Variants in IGF2R observed in about 807,000 individuals in gnomAD.
IGF2R encodes the protein insulin like growth factor 2 receptor, also known as cation-independent mannose-6-phosphate receptor.
IGF2R carries 91 observed loss-of-function variants against 270.6 expected under a neutral mutation model. The ratio of observed to expected loss-of-function variants is 0.34; its 90% CI spans 0.28 to 0.40. The LOEUF is 0.40. Among genes scored for constraint, IGF2R ranks in the 10% least tolerant of loss-of-function variants. The probability of loss-of-function intolerance (pLI) is 1.00; values close to 1 mark genes in which losing one functional copy is unlikely to be tolerated. For synonymous variants in IGF2R, 1,316 were observed against 1,258.9 expected (o/e 1.05, Z -0.96); for missense variants, 2,805 against 3,188.3 (o/e 0.88, Z 2.90).
chr6:159,993,269 T>C (rs908429134), intron 2 of IGF2R, among the ~76,000 whole-genome samples: 1 of 152,226 alleles, frequency 6.6e-6, no homozygotes, highest in African/African-American at 2.4e-5. Flanking sequence ...TTTGTTTTGT[T>C]GCATTTGCTT....
intron 2 of IGF2R, among the ~76,000 whole-genome samples, chr6:159,995,355 T>C (rs1225218823): frequency 6.6e-6 from 1 of 152,138 alleles, no homozygotes; most frequent in Non-Finnish European, 1.5e-5. Flanking sequence ...AAGCAACATA[T>C]GGTTGGATCA....
intron 1 of IGF2R, among the ~76,000 whole-genome samples, chr6:159,979,833 G>A (rs1783751935): frequency 6.6e-6 from 1 of 152,198 alleles, no homozygotes; most frequent in African/African-American, 2.4e-5. Flanking sequence ...CACAGAGGCT[G>A]TGGGACTTTG....
Position 160,110,381 on chromosome 6 carries a change from A to C in IGF2R, c.*5297A>C, listed in dbSNP as rs778368307. ...GGAAATGCACATCATAAACACAGTGAGACGTTGCCTCACACCTGCCAGAAT... is the reference window on the plus strand; with the variant it reads ...GGAAATGCACATCATAAACACAGTGCGACGTTGCCTCACACCTGCCAGAAT... On this transcript the variant is annotated 3_prime_UTR_variant, in exon 48 of 48. Coordinates refer to ENST00000356956, the MANE Select transcript of IGF2R (RefSeq NM_000876.4). The C allele has an allele frequency of 6.6e-6, 1 of 152,288 alleles. No individual in the cohort carries two copies. The highest frequency in any genetic ancestry group is 6.5e-5 in the Admixed American group (1 of 15,292). 9.4% of individuals were successfully genotyped at this position (152,288 alleles called of 1,614,324 possible). A position where few individuals can be genotyped will look rare whatever the true frequency, so the allele number is the denominator to read the frequency against.
At chr6:160,018,930 T>G (rs1355458489) in intron 4 of IGF2R, among the ~76,000 whole-genome samples, 1 of 151,842 alleles carries the variant, frequency 6.6e-6, no homozygotes, top group African/African-American at 2.4e-5. Flanking sequence ...AAAACCAAAT[T>G]GAAACCTAGC....
chr6:160,090,199 C>T, intron 44 of IGF2R, 96 bp downstream of exon 44: 1 of 875,970 alleles, frequency 1.1e-6, no homozygotes, highest in East Asian at 3.1e-5. Flanking sequence ...AATCTCGGAC[C>T]ACTTTTAAAA....
At position 160,104,893 on chromosome 6, in the gene IGF2R, G is replaced by C. The variant is rs138845003; in HGVS notation, c.7285G>C (p.Ala2429Pro). 5.0e-5 allele frequency: 81 copies of C among 1,614,022 alleles called. No homozygotes were observed. The highest frequency in any genetic ancestry group is 6.8e-5 in the Non-Finnish European group (80 of 1,180,002). ...VKVHSGRGAG[A>P]ESSHPVRNAQ... ...AGTTCACTCGGGCAGGGGAGCTGGG[G>C]CAGAGAGCTCCCACCCAGTGAGAAA... Residue 2429 changes from alanine (A) to proline (P), a missense_variant, in exon 48 of 48, where the codon GCA becomes CCA. This residue lies in a region of IGF2R where 1,851 missense variants were observed against 2,207.2 expected (regional missense o/e 0.84). Coordinates refer to ENST00000356956, the MANE Select transcript of IGF2R (RefSeq NM_000876.4).
rs112338206 is a variant in IGF2R, at chr6:159,991,150, G to T, written c.150-34G>T. 10 of 1,573,378 alleles carry T rather than the reference G, an allele frequency of 6.4e-6. No homozygotes were observed. In the African/African-American group the frequency reaches 8.2e-5, roughly 13 times the overall value. On this transcript the variant is annotated intron_variant, in intron 1 of 47. Transcript: ENST00000356956. ...GAGAAGTTTAATTTTTGATAAATCAGTGACATTGACAAGTTGTTTTTCTTC... is the reference window on the plus strand; with the variant it reads ...GAGAAGTTTAATTTTTGATAAATCATTGACATTGACAAGTTGTTTTTCTTC...
At chr6:160,024,524 T>G (rs1417972579) in intron 4 of IGF2R, 48 bp from the exon 5 acceptor site, 2 of 1,592,660 alleles carry the variant, frequency 1.3e-6, no homozygotes, top group Non-Finnish European at 8.6e-7. Flanking sequence ...CTTTTCTGAT[T>G]GACCAAGATG....
intron 19 of IGF2R, 141 bp from the exon 20 acceptor site, chr6:160,056,283 A>C: frequency 1.5e-6 from 1 of 651,306 alleles, no homozygotes; most frequent in African/African-American, 1.8e-5. Flanking sequence ...GGTAATGCAC[A>C]TTAAGTGCCT....
intron 43 of IGF2R, 74 bp downstream of exon 43, chr6:160,089,327 C>A: frequency 7.4e-7 from 1 of 1,351,144 alleles, no homozygotes; most frequent in Non-Finnish European, 1.0e-6. Flanking sequence ...CTTTCCCTAT[C>A]GGGGAGCACT....
chr6:160,046,088 G>A (rs1356434682), intron 14 of IGF2R, among the ~76,000 whole-genome samples: 2 of 152,188 alleles, frequency 1.3e-5, no homozygotes, highest in African/African-American at 2.4e-5. Context: ...TGGTTTTGCT[G>A]AATGCAAAAC....
At position 160,043,218 on chromosome 6, in the gene IGF2R, T is replaced by C; in HGVS notation, c.1551T>C (p.Asn517=). ...CAGAGAAGAAGCATTTTTTCATTAA[T>C]ATTTGTCACAGAGTGCTGCAGGAAG... is the stretch of plus-strand genomic sequence containing the variant. The part of the protein sequence containing the change: ...TETEKKHFFI[N]ICHRVLQEGK... Residue 517 remains asparagine (N), a synonymous_variant, in exon 12 of 48, where the codon AAT becomes AAC. Transcript: ENST00000356956. The C allele has an allele frequency of 1.9e-6, 3 of 1,614,216 alleles. No homozygotes were observed. The highest frequency in any genetic ancestry group is 1.7e-5 in the Admixed American group (1 of 60,030).
chr6:160,047,762 C>T (rs777633999), intron 16 of IGF2R, 30 bp from the exon 17 acceptor site: 3 of 1,338,166 alleles, frequency 2.2e-6, no homozygotes, highest in Non-Finnish European at 3.2e-6. Flanking sequence ...TCTCTTTTTG[C>T]CATCCCTCCG....
chr6:160,092,639 A>C (rs193225263), intron 44 of IGF2R, among the ~76,000 whole-genome samples: 2 of 152,188 alleles, frequency 1.3e-5, no homozygotes, highest in African/African-American at 4.8e-5. Flanking sequence ...GCTGTCTCTC[A>C]TCAGGACGTG....
At chr6:160,044,724 C>G in intron 13 of IGF2R, 67 bp downstream of exon 13, 1 of 1,227,904 alleles carries the variant, frequency 8.1e-7, no homozygotes, top group Non-Finnish European at 1.2e-6. Flanking sequence ...CTTCATATCT[C>G]TGTTCCTCAT....
chr6:160,068,182 A>G (rs1778631881), intron 29 of IGF2R, 67 bp from the exon 30 acceptor site: 3 of 1,571,140 alleles, frequency 1.9e-6, no homozygotes, highest in Non-Finnish European at 2.6e-6. Flanking sequence ...ACGTTTCTAG[A>G]CAGAGTGCCC....
intron 4 of IGF2R, among the ~76,000 whole-genome samples, chr6:160,016,305 G>C (rs1180708429): frequency 6.6e-6 from 1 of 152,190 alleles, no homozygotes; most frequent in Non-Finnish European, 1.5e-5. Flanking sequence ...CTGGAGGCCC[G>C]CTGATCACCG....
intron 1 of IGF2R, among the ~76,000 whole-genome samples, chr6:159,988,352 A>G (rs1051406232): frequency 3.3e-5 from 5 of 151,926 alleles, no homozygotes; most frequent in Admixed American, 3.3e-4. Flanking sequence ...TATCTCTACT[A>G]AAAATACAAA....
At chr6:160,011,551 G>GTTTTT (rs546686832) in intron 4 of IGF2R, among the ~76,000 whole-genome samples, 7 of 119,690 alleles carry the variant, frequency 5.8e-5, no homozygotes, top group Admixed American at 8.8e-5. Flanking sequence ...CACATATTTC[G>GTTTTT]TTTTTTTTTT....
Sources: allele counts gnomAD v4.1 joint callset (sites outside exome capture counted in the v4.1 genomes callset), GRCh38; gene constraint gnomAD v4.1.1; regional missense constraint gnomAD v4.1.1; transcripts MANE v1.5; gene names NCBI Gene and HGNC (gene_info 2026-07-23, HGNC 2026-07-21).